The following SLC44A5 variants were observed in gnomAD, a reference collection of about 807,000 sequenced individuals.
SLC44A5 encodes the protein solute carrier family 44 member 5, also known as choline transporter-like protein 5.
SLC44A5 carries 57 observed loss-of-function variants against 101.8 expected under a neutral mutation model. That is an observed-to-expected ratio of 0.56 (90% CI 0.45 to 0.70). The LOEUF is 0.70. Ranked by LOEUF, SLC44A5 falls within the 30% of genes least tolerant of loss-of-function variation. The pLI is 0.00. For synonymous variants in SLC44A5, 281 were observed against 290.9 expected, an observed-to-expected ratio of 0.97 and a Z score of 0.35; for missense variants, 737 against 853.1, an observed-to-expected ratio of 0.86 and a Z score of 1.70.
At chr1:75,338,162 G>C (rs1191140592) in intron 4 of SLC44A5, among the ~76,000 whole-genome samples, 2 of 152,330 alleles carry the variant, frequency 1.3e-5, no homozygotes, top group East Asian at 3.9e-4. Context: ...AGAATGACCA[G>C]CTCACCTTTG....
the SLC44A5 span, among the ~76,000 whole-genome samples, chr1:75,687,976 A>G: frequency 6.6e-6 from 1 of 152,306 alleles, no homozygotes; most frequent in Non-Finnish European, 1.5e-5. Context: ...CATTCCCTGA[A>G]GTTATTGCTA....
At chr1:75,576,480 AT>A (rs1673373674) in intron 1 of SLC44A5, among the ~76,000 whole-genome samples, 2 of 115,508 alleles carry the variant, frequency 1.7e-5, no homozygotes, top group Admixed American at 9.4e-5. Context: ...CGCCCGGCTA[AT>A]TTTTTTGTAT....
intron 9 of SLC44A5, among the ~76,000 whole-genome samples, chr1:75,239,981 C>T (rs1415868269): frequency 6.6e-6 from 1 of 152,026 alleles, no homozygotes; most frequent in African/African-American, 2.4e-5. Context: ...CACTCTTTCC[C>T]TTTCTACTTC....
the SLC44A5 span, among the ~76,000 whole-genome samples, chr1:75,670,267 C>G: frequency 6.6e-6 from 1 of 151,830 alleles, no homozygotes; most frequent in African/African-American, 2.4e-5. Context: ...GAAAACCTTC[C>G]CAATTTAAGA....
At chr1:75,238,693 T>A in intron 9 of SLC44A5, 57 bp from the exon 10 acceptor site, 1 of 1,189,036 alleles carries the variant, frequency 8.4e-7, no homozygotes, top group Non-Finnish European at 1.2e-6. Context: ...TTTAATGATG[T>A]CCTCCCTTTC....
chr1:75,430,774 A>G (rs1664570638), intron 2 of SLC44A5, among the ~76,000 whole-genome samples: 1 of 152,224 alleles, frequency 6.6e-6, no homozygotes, highest in Non-Finnish European at 1.5e-5. Flanking sequence ...GGTGGTTAGA[A>G]ACTCTGCTGT....
At chr1:75,649,794 C>T in the SLC44A5 span, among the ~76,000 whole-genome samples, 2 of 152,154 alleles carry the variant, frequency 1.3e-5, no homozygotes, top group Non-Finnish European at 2.9e-5. Flanking sequence ...ACAAAACTCA[C>T]TTAGGAATCT....
intron 1 of SLC44A5, among the ~76,000 whole-genome samples, chr1:75,576,709 T>A (rs1476273804): frequency 6.6e-6 from 1 of 152,200 alleles, no homozygotes; most frequent in Non-Finnish European, 1.5e-5. Context: ...TATAAGTCTA[T>A]ATGATTCAAC....
At chr1:75,610,940 T>C (rs957461626) in intron 1 of SLC44A5, 100 bp downstream of exon 1, 32 of 260,154 alleles carry the variant, frequency 1.2e-4, no homozygotes, top group African/African-American at 6.7e-4. Flanking sequence ...TGTGTGTGTG[T>C]GTGTATTTCT....
intron 4 of SLC44A5, among the ~76,000 whole-genome samples, chr1:75,320,396 C>T (rs189902032): frequency 1.1e-4 from 17 of 152,024 alleles, no homozygotes; most frequent in Admixed American, 4.6e-4. Context: ...AATTAATTTG[C>T]CCTGTAGCAA....
chr1:75,689,790 T>TCCTGGGACATTTAATAG, the SLC44A5 span, among the ~76,000 whole-genome samples: 2 of 152,238 alleles, frequency 1.3e-5, no homozygotes, highest in African/African-American at 4.8e-5. Flanking sequence ...TTCCTACATT[T>TCCTGGGACATTTAATAG]CCTGGGACAT....
intron 2 of SLC44A5, among the ~76,000 whole-genome samples, chr1:75,416,758 T>C (rs1663674746): frequency 6.6e-6 from 1 of 152,174 alleles, no homozygotes; most frequent in Admixed American, 6.5e-5. Context: ...AGACATGGAG[T>C]CAAAGGAGAT....
At chr1:75,710,150 A>G in the SLC44A5 span, 1 of 152,346 alleles carries the variant, frequency 6.6e-6, no homozygotes, top group East Asian at 1.9e-4. Context: ...AATACTTGTC[A>G]TCTTGATTGT....
chr1:75,339,009 T>G (rs1004346084), intron 4 of SLC44A5, among the ~76,000 whole-genome samples: 19 of 152,224 alleles, frequency 1.2e-4, no homozygotes, highest in African/African-American at 4.3e-4. Flanking sequence ...GACTATGAAT[T>G]ACTGGCTAAT....
intron 2 of SLC44A5, among the ~76,000 whole-genome samples, chr1:75,491,759 G>A (rs1159449903): frequency 6.6e-6 from 1 of 151,766 alleles, no homozygotes; most frequent in Non-Finnish European, 1.5e-5. Flanking sequence ...ACAGTATTAT[G>A]CAGGTTTTTG....
chr1:75,569,838 A>G (rs1322747265), intron 1 of SLC44A5, among the ~76,000 whole-genome samples: 1 of 152,214 alleles, frequency 6.6e-6, no homozygotes, highest in East Asian at 1.9e-4. Context: ...CCTTGAGATA[A>G]GGATTCTATA....
upstream of SLC44A5, chr1:75,615,956 C>A (rs1486831343): frequency 6.7e-6 from 6 of 890,406 alleles, no homozygotes; most frequent in Non-Finnish European, 8.1e-6. Context: ...CCCAGGCGAG[C>A]CCTCGCCGCG....
intron 3 of SLC44A5, among the ~76,000 whole-genome samples, chr1:75,364,267 G>A (rs894869395): frequency 7.9e-5 from 12 of 152,224 alleles, no homozygotes; most frequent in Non-Finnish European, 1.6e-4. Context: ...ATTGCAGGCT[G>A]TACAGGAATC....
Position 75,287,040 on chromosome 1 carries a change from A to C in SLC44A5, c.176-11998T>G, listed in dbSNP as rs577151117. On this transcript the variant is annotated intron_variant, in intron 5 of 23. Coordinates refer to ENST00000370859, the MANE Select transcript of SLC44A5 (RefSeq NM_001130058.2). Reference sequence around the variant, plus strand: ...GATTAGTCCCTCAAATATGTTATCCAAACTTTTAGATTTCTCTTCTTCCTT... The same window carrying C: ...GATTAGTCCCTCAAATATGTTATCCCAACTTTTAGATTTCTCTTCTTCCTT... Among the ~76,000 whole-genome samples, 6 of 152,302 alleles carry C rather than the reference A, an allele frequency of 3.9e-5. No homozygotes were observed. In the East Asian group the frequency reaches 1.2e-3, roughly 29 times the overall value.
Sources: gnomAD v4.1 joint callset for allele counts (sites outside exome capture counted in the v4.1 genomes callset) on GRCh38, gnomAD v4.1.1 for gene constraint, MANE v1.5 for transcripts, NCBI Gene and HGNC (gene_info 2026-07-23, HGNC 2026-07-21) for gene names.